RNF10: variants seen among roughly 807,000 people sequenced by gnomAD.
RNF10 encodes ring finger protein 10, also known as E3 ubiquitin-protein ligase RNF10.
Under a neutral mutation model 91.4 loss-of-function variants are expected in RNF10, and 38 were observed. The ratio of observed to expected loss-of-function variants is 0.42; its 90% CI spans 0.32 to 0.54. The LOEUF (loss-of-function observed/expected upper bound fraction) is 0.54, where lower values mean the gene tolerates loss of function less well. Among genes scored for constraint, RNF10 ranks in the 20% least tolerant of loss-of-function variants. The pLI, the probability that RNF10 is intolerant of heterozygous loss-of-function variation, is 0.16. For synonymous variants in RNF10, 364 were observed against 366.3 expected, an observed-to-expected ratio of 0.99 and a Z score of 0.07; for missense variants, 945 against 1,012.0, an observed-to-expected ratio of 0.93 and a Z score of 0.90.
chr12:120,540,250 A>T (rs1327829315), intron 1 of RNF10, among the ~76,000 whole-genome samples: 1 of 151,918 alleles, frequency 6.6e-6, no homozygotes, highest in East Asian at 1.9e-4. Flanking sequence ...GGCATAAGCC[A>T]CTGTGCCTGG....
intron 1 of RNF10, chr12:120,539,433 C>G: frequency 1.6e-6 from 2 of 1,288,752 alleles, no homozygotes; most frequent in Non-Finnish European, 2.0e-6. Context: ...ATATGTTGCC[C>G]CTCTGGAGGT....
At position 120,563,239 on chromosome 12, in the gene RNF10, C is replaced by G. The variant is rs1875166695; in HGVS notation, c.1255-108C>G. 3.4e-6 allele frequency: 5 copies of G among 1,478,278 alleles called. No homozygotes were observed. The Admixed American group carries it at 9.2e-5, about 27-fold the overall frequency. The allele number at this position is 1,478,278 out of a possible 1,614,324, so 91.6% of individuals were successfully genotyped here. A position where few individuals can be genotyped will look rare whatever the true frequency, so the allele number is the denominator to read the frequency against. On this transcript the variant is annotated intron_variant, in intron 8 of 16. Transcript: ENST00000325954. ...AGGGGTGTTAAATCAGTGAACACGA[C>G]AGCTAAGATAAACATCTAGGGAGCT...
intron 13 of RNF10, among the ~76,000 whole-genome samples, chr12:120,568,372 A>C (rs184726883): frequency 1.4e-4 from 21 of 152,372 alleles, no homozygotes; most frequent in African/African-American, 5.0e-4. Context: ...TTATATATAA[A>C]GAATGTTTAA....
chr12:120,576,150 G>A (rs1030333402), intron 16 of RNF10, among the ~76,000 whole-genome samples, 200 bp downstream of exon 16: 4 of 152,258 alleles, frequency 2.6e-5, no homozygotes, highest in East Asian at 1.9e-4. Context: ...AATTGATGAC[G>A]CCTGAAAGTG....
intron 4 of RNF10, among the ~76,000 whole-genome samples, chr12:120,556,643 AAG>A (rs1319109265): frequency 6.6e-6 from 1 of 151,466 alleles, no homozygotes; most frequent in Non-Finnish European, 1.5e-5. Flanking sequence ...AAAAAAAATG[AAG>A]TCTTTTTAAT....
intron 13 of RNF10, among the ~76,000 whole-genome samples, chr12:120,569,983 C>A (rs1005386627): frequency 6.6e-6 from 1 of 152,094 alleles, no homozygotes; most frequent in Non-Finnish European, 1.5e-5. Flanking sequence ...ACTTCCCCCT[C>A]GCGGGTTCAA....
chr12:120,542,914 G>T (rs1411014766), intron 1 of RNF10, among the ~76,000 whole-genome samples: 1 of 152,180 alleles, frequency 6.6e-6, no homozygotes, highest in Non-Finnish European at 1.5e-5. Flanking sequence ...TGGTAGGAGT[G>T]AACCTAGCCT....
intron 1 of RNF10, among the ~76,000 whole-genome samples, chr12:120,537,939 C>G (rs891320571): frequency 6.6e-6 from 1 of 152,176 alleles, no homozygotes; most frequent in Admixed American, 6.6e-5. Context: ...GCCTTAGGAA[C>G]GTAACAGCTA....
chr12:120,534,827 C>T lies in RNF10; in HGVS notation c.16C>T (p.Pro6Ser). 1 of 1,591,958 alleles carries T rather than the reference C, an allele frequency of 6.3e-7. No individual in the cohort carries two copies. Among genetic ancestry groups the T allele is most frequent in the Non-Finnish European group, 8.5e-7 (1 of 1,174,492 alleles). ...GCCCCCGTTGATGCCGCTGAGCTCC[C>T]CCAACGCCGCCGCCACCGCCTCCGA... is the stretch of plus-strand genomic sequence containing the variant. The part of the protein sequence containing the change: MPLSS[P>S]NAAATASDMD... The change falls in exon 1 of 17, where the codon CCC becomes TCC. Residue 6 changes from proline to serine, a missense_variant. By Grantham distance (74) the Pro-to-Ser change is moderately conservative (BLOSUM62 -1). Transcript: ENST00000325954.
chr12:120,576,101 T>C, intron 16 of RNF10, 151 bp downstream of exon 16: 1 of 814,372 alleles, frequency 1.2e-6, no homozygotes, highest in Admixed American at 2.6e-5. Flanking sequence ...TAATACTCCA[T>C]TTGGTATGTC....
At chr12:120,560,154 G>GTT (rs71076633) in intron 6 of RNF10, among the ~76,000 whole-genome samples, 2,804 of 132,338 alleles carry the variant, frequency 0.021, 32 homozygotes, top group South Asian at 0.03. Context: ...GGTTTTTTTT[G>GTT]TTTTTTTTTT....
chr12:120,551,290 GTTTTTTTTT>G (rs63002361), intron 2 of RNF10, among the ~76,000 whole-genome samples: 5,703 of 83,264 alleles, frequency 0.068, 167 homozygotes, highest in Middle Eastern at 0.11. Flanking sequence ...CCATCCTAGT[GTTTTTTTTT>G]TTTTTTTTTT....
chr12:120,563,729 G>C (rs984785226), intron 9 of RNF10, 81 bp from the exon 10 acceptor site: 2 of 1,583,714 alleles, frequency 1.3e-6, no homozygotes, highest in Middle Eastern at 2.0e-4. Context: ...TGGGTGGCTT[G>C]AGCCCTTGGG....
chr12:120,562,032 A>G (rs983209588), intron 7 of RNF10, among the ~76,000 whole-genome samples: 1 of 151,978 alleles, frequency 6.6e-6, no homozygotes, highest in Non-Finnish European at 1.5e-5. Flanking sequence ...GTTCAGGGGT[A>G]CAAATGCAGG....
In RNF10 at chr12:120,534,976, C is replaced by T. The variant is rs753607127; in HGVS notation, c.157+8C>T. 8.2e-6 allele frequency: 13 copies of T among 1,588,168 alleles called. No homozygotes were observed. Among genetic ancestry groups the T allele is most frequent in the Admixed American group, 5.2e-5 (3 of 57,946 alleles). Reference sequence around the variant, plus strand: ...AGTCTAAACCCAAGAGCGGTAAGGACGGGCCTGCGGCAGTGGGCGGGGGCG... The same window carrying T: ...AGTCTAAACCCAAGAGCGGTAAGGATGGGCCTGCGGCAGTGGGCGGGGGCG... On this transcript the variant is annotated splice_region_variant and intron_variant, in intron 1 of 16. Transcript: ENST00000325954.
rs1225617908 is a variant in RNF10, at chr12:120,575,790, AGAT to A, written c.2202_2204del (p.Asp734del). 1.2e-6 allele frequency: 2 copies of A among 1,614,166 alleles called. No homozygotes were observed. Among genetic ancestry groups the A allele is most frequent in the Admixed American group, 3.3e-5 (2 of 60,020 alleles). ...TATAGTTTTAACACTGGTATTTTTT[AGAT>A]GAGAACAGCTTAGTTCCTCCTGCCC... On this transcript the variant is annotated splice_acceptor_variant and coding_sequence_variant, in exon 16 of 17. Transcript: ENST00000325954. LOFTEE classifies it high-confidence loss of function.
At position 120,552,499 on chromosome 12, in the gene RNF10, G is replaced by A. The variant is rs777793143; in HGVS notation, c.355G>A (p.Val119Ile). Residue 119 changes from valine (V) to isoleucine (I), a missense_variant and splice_region_variant, in exon 3 of 17, where the codon GTA becomes ATA. By Grantham distance (29) the Val-to-Ile change is conservative (BLOSUM62 3). Coordinates refer to ENST00000325954, the MANE Select transcript of RNF10 (RefSeq NM_014868.5). ...ACTGATTCATTCTCATTCTCTCTAGGTAGCAGAGGCTCAACGGGCAGAGTT... is the reference window on the plus strand; with the variant it reads ...ACTGATTCATTCTCATTCTCTCTAGATAGCAGAGGCTCAACGGGCAGAGTT... ...SSFNGGRRDE[V>I]AEAQRAEFSP... is the part of the protein sequence containing the mutation. 1.7e-5 allele frequency: 28 copies of A among 1,612,820 alleles called. No homozygotes were observed. In the South Asian group the frequency reaches 2.7e-4, roughly 16 times the overall value.
In RNF10 at chr12:120,557,641, A is replaced by C. The variant is rs557937223; in HGVS notation, c.926A>C (p.Lys309Thr). 1 of 1,614,228 alleles carries C rather than the reference A, an allele frequency of 6.2e-7. No homozygotes were observed. The highest frequency in any genetic ancestry group is 1.7e-5 in the Admixed American group (1 of 60,022). ...REKGVLVALPKSKWMNVDHPI... is the reference protein window; with the variant it reads ...REKGVLVALPTSKWMNVDHPI... ...AAAGGGGTGTTGGTGGCTTTGCCCA[A>C]ATCCAAATGGATGAATGTAGACCAT... is the stretch of plus-strand genomic sequence containing the variant. The change falls in exon 6 of 17, where the codon AAA becomes ACA. Residue 309 changes from lysine to threonine, a missense_variant. Lys to Thr is a moderately conservative substitution (Grantham distance 78). Transcript: ENST00000325954.
At chr12:120,539,784 A>G (rs923682505) in intron 1 of RNF10, among the ~76,000 whole-genome samples, 2 of 151,406 alleles carry the variant, frequency 1.3e-5, no homozygotes, top group East Asian at 1.9e-4. Context: ...GTGTCTTGAC[A>G]GTAGTTCTTG....
Sources: allele counts gnomAD v4.1 joint callset (sites outside exome capture counted in the v4.1 genomes callset), GRCh38; gene constraint gnomAD v4.1.1; transcripts MANE v1.5; gene names NCBI Gene and HGNC (gene_info 2026-07-23, HGNC 2026-07-21).